The following PIK3R6 variants were observed in gnomAD, a reference collection of about 807,000 sequenced individuals.
The protein encoded by PIK3R6 is phosphoinositide-3-kinase regulatory subunit 6.
A neutral mutation model predicts 84.9 loss-of-function variants in PIK3R6; 91 were observed. The observed-to-expected ratio is 1.07, with a 90% confidence interval of 0.90 to 1.28. The LOEUF (loss-of-function observed/expected upper bound fraction) is 1.28. Among genes scored for constraint, PIK3R6 ranks in the 50% most tolerant of loss-of-function variants. The pLI is 0.00. For synonymous variants in PIK3R6, 416 were observed against 411.4 expected, an observed-to-expected ratio of 1.01 and a Z score of -0.13; for missense variants, 996 against 985.1, an observed-to-expected ratio of 1.01 and a Z score of -0.15.
chr17:8,857,679 A>G (rs1597441379), intron 1 of PIK3R6, among the ~76,000 whole-genome samples: 1 of 152,216 alleles, frequency 6.6e-6, no homozygotes, highest in African/African-American at 2.4e-5. Context: ...AGGCAGGCGG[A>G]TCACAAGATC....
chr17:8,837,994 G>A (rs983703646), intron 4 of PIK3R6, 123 bp from the exon 5 acceptor site: 3 of 790,532 alleles, frequency 3.8e-6, no homozygotes, highest in African/African-American at 3.4e-5. Context: ...GGAGAGCAAA[G>A]GGCCATTGTC....
In PIK3R6 at chr17:8,823,408, A is replaced by C. The variant is rs1312806306; in HGVS notation, c.1605T>G (p.Tyr535Ter). Residue 535 changes from tyrosine to a stop codon, truncating the protein, a stop_gained, in exon 14 of 20, where the codon TAT (tyrosine) becomes TAG (stop). Coordinates refer to ENST00000619866, the MANE Select transcript of PIK3R6 (RefSeq NM_001010855.4). LOFTEE classifies it high-confidence loss of function. ...TTACCTTGACTGTGTAGATCTGGAA[A>C]TAGATGGGTTGGGTGCCCATGCGGA... ...YYIRMGTQPI[Y>*]FQIYTVKIFF... 2.0e-6 allele frequency: 3 copies of C among 1,491,378 alleles called. No individual in the cohort carries two copies. The highest frequency in any genetic ancestry group is 2.7e-6 in the Non-Finnish European group (3 of 1,116,310). 92.4% of individuals were successfully genotyped at this position (1,491,378 alleles called of 1,614,324 possible).
intron 14 of PIK3R6, 138 bp downstream of exon 14, chr17:8,823,249 T>C (rs2087801381): frequency 1.2e-6 from 1 of 802,064 alleles, no homozygotes; most frequent in Admixed American, 2.5e-5. Context: ...CATTTAGAGA[T>C]GAAGAAGGTA....
At chr17:8,847,334 A>C (rs1189334308) in intron 2 of PIK3R6, among the ~76,000 whole-genome samples, 2 of 151,992 alleles carry the variant, frequency 1.3e-5, no homozygotes, top group African/African-American at 4.8e-5. Flanking sequence ...TGTTTGGAAA[A>C]CCTTTGCAAT....
intron 1 of PIK3R6, among the ~76,000 whole-genome samples, chr17:8,866,899 G>A (rs1344926626): frequency 6.6e-6 from 1 of 152,096 alleles, no homozygotes; most frequent in Non-Finnish European, 1.5e-5. Flanking sequence ...ACCAGGCCTC[G>A]GTCAGACTCT....
Position 8,839,560 on chromosome 17 carries a change from C to A in PIK3R6, c.97+54G>T. On this transcript the variant is annotated intron_variant, in intron 3 of 19. Transcript: ENST00000619866. This position sits in a 1 kb window ranked among gnomAD's most constrained non-coding sequence, Gnocchi z 4.2. ...TTCCTGTATGCGCGTGTATTGTTGG[C>A]TGGGGTTGGGTGGAGGTCAGAGGGA... 7.0e-7 allele frequency: 1 copy of A among 1,433,480 alleles called. No individual in the cohort carries two copies. The highest frequency in any genetic ancestry group is 9.6e-7 in the Non-Finnish European group (1 of 1,045,898). The allele number at this position is 1,433,480 out of a possible 1,614,324, so 88.8% of individuals were successfully genotyped here. A position where few individuals can be genotyped will look rare whatever the true frequency, so the allele number is the denominator to read the frequency against.
chr17:8,832,807 G>T, intron 9 of PIK3R6, 82 bp downstream of exon 9: 1 of 1,590,480 alleles, frequency 6.3e-7, no homozygotes, highest in Admixed American at 1.7e-5. Context: ...CAGGTCCAGC[G>T]CTGCTCTCTG....
intron 9 of PIK3R6, 23 bp downstream of exon 9, chr17:8,832,866 C>A (rs767756888): frequency 1.9e-5 from 30 of 1,611,866 alleles, no homozygotes; most frequent in Non-Finnish European, 2.5e-5. Flanking sequence ...CTTGCCAAGG[C>A]CCCCCATCTG....
chr17:8,863,903 C>A (rs545819160), intron 1 of PIK3R6, among the ~76,000 whole-genome samples: 1 of 152,148 alleles, frequency 6.6e-6, no homozygotes, highest in East Asian at 1.9e-4. Context: ...AAAAAAGGCC[C>A]GACAGCAAGC....
intron 12 of PIK3R6, 87 bp from the exon 13 acceptor site, chr17:8,827,381 GGTCAA>G: frequency 6.9e-7 from 1 of 1,439,094 alleles, no homozygotes; most frequent in Non-Finnish European, 9.2e-7. Context: ...GTGTGAATAT[GGTCAA>G]GTCATTTAAC....
At chr17:8,835,501 A>T (rs944264158) in intron 7 of PIK3R6, 45 bp from the exon 8 acceptor site, 2 of 1,479,606 alleles carry the variant, frequency 1.4e-6, no homozygotes, top group Non-Finnish European at 1.8e-6. Flanking sequence ...ATAGTAACTA[A>T]TGGGAGAGGG....
intron 16 of PIK3R6, 122 bp from the exon 17 acceptor site, chr17:8,822,058 T>C: frequency 1.5e-6 from 1 of 682,112 alleles, no homozygotes; most frequent in South Asian, 2.3e-5. Context: ...GAGTCTTTTT[T>C]TTTTTTTTTT....
At chr17:8,814,709 A>G (rs1239819635) in intron 18 of PIK3R6, among the ~76,000 whole-genome samples, 1 of 152,222 alleles carries the variant, frequency 6.6e-6, no homozygotes, top group Non-Finnish European at 1.5e-5. Flanking sequence ...TACTATTCAT[A>G]GTTCCAGAAA....
intron 9 of PIK3R6, among the ~76,000 whole-genome samples, chr17:8,832,596 GTTTCCCC>G (rs1356374561): frequency 6.7e-6 from 1 of 150,158 alleles, no homozygotes; most frequent in African/African-American, 2.5e-5. Context: ...TTAGTAGAGG[GTTTCCCC>G]ATGTTGCCTA....
At chr17:8,836,441 C>T (rs1346812153) in intron 7 of PIK3R6, 106 bp downstream of exon 7, 6 of 1,221,276 alleles carry the variant, frequency 4.9e-6, no homozygotes, top group Admixed American at 1.9e-5. Flanking sequence ...TCTGCTAGGG[C>T]TCTTCTTAAT....
rs912207929 is a variant in PIK3R6 at position 8,829,855 on chromosome 17, C to G, written c.803-63G>C. On this transcript the variant is annotated intron_variant, in intron 9 of 19. Coordinates refer to ENST00000619866, the MANE Select transcript of PIK3R6 (RefSeq NM_001010855.4). ...GCCATGGGACCCTCCTCTGCCCTCC[C>G]CATCCTGCCCAGCTCCTGTGCGGGG... is the stretch of plus-strand genomic sequence containing the variant. 6 of 1,313,254 alleles carry G rather than the reference C, an allele frequency of 4.6e-6. No homozygotes were observed. The African/African-American group carries it at 5.9e-5, about 13-fold the overall frequency. 81.4% of individuals were successfully genotyped at this position (1,313,254 alleles called of 1,614,324 possible). A position where few individuals can be genotyped will look rare whatever the true frequency, so the allele number is the denominator to read the frequency against.
rs1597396037 is a variant in PIK3R6, at chr17:8,827,302, A to G, written c.1393-8T>C. The G allele has an allele frequency of 6.4e-7, 1 of 1,550,674 alleles. No homozygotes were observed. Among genetic ancestry groups the G allele is most frequent in the Non-Finnish European group, 8.7e-7 (1 of 1,147,442 alleles). Reference sequence around the variant, plus strand: ...CCTGGATGCTGCAGGCTTCTGGGGGAAAGGGGATGGGGCAGACCCGTCAGG... The same window carrying G: ...CCTGGATGCTGCAGGCTTCTGGGGGGAAGGGGATGGGGCAGACCCGTCAGG... On this transcript the variant is annotated splice_polypyrimidine_tract_variant and splice_region_variant and intron_variant, in intron 12 of 19. Coordinates refer to ENST00000619866, the MANE Select transcript of PIK3R6 (RefSeq NM_001010855.4).
intron 18 of PIK3R6, 117 bp downstream of exon 18, chr17:8,818,966 G>T (rs1020862118): frequency 1.4e-5 from 10 of 690,046 alleles, no homozygotes; most frequent in Non-Finnish European, 2.1e-5. Flanking sequence ...CAATAGCAAA[G>T]GCTCAGAAAG....
chr17:8,812,294 T>C (rs866046351), intron 18 of PIK3R6, among the ~76,000 whole-genome samples: 15 of 152,050 alleles, frequency 9.9e-5, no homozygotes, highest in African/African-American at 3.4e-4. Context: ...CAGACACCAA[T>C]AGAATAATAG....
Sources: gnomAD v4.1 joint callset for allele counts (sites outside exome capture counted in the v4.1 genomes callset) on GRCh38, gnomAD v4.1.1 for gene constraint, Gnocchi (gnomAD v3.1) non-coding constraint, MANE v1.5 for transcripts, NCBI Gene and HGNC (gene_info 2026-07-23, HGNC 2026-07-21) for gene names.